The following NALCN variants were observed in gnomAD, a reference collection of about 807,000 sequenced individuals.
The protein encoded by NALCN is sodium leak channel NALCN.
Under a neutral mutation model 225.3 loss-of-function variants are expected in NALCN, and 111 were observed. That is an observed-to-expected ratio of 0.49 (90% CI 0.42 to 0.58). NALCN has a LOEUF of 0.58. Ranked by LOEUF, NALCN falls within the 20% of genes least tolerant of loss-of-function variation. NALCN has a pLI of 0.00. For synonymous variants in NALCN, 764 were observed against 769.0 expected, an observed-to-expected ratio of 0.99 and a Z score of 0.11; for missense variants, 1,378 against 2,202.4, an observed-to-expected ratio of 0.63 and a Z score of 7.49.
chr13:101,394,552 T>G (rs1467894468), intron 3 of NALCN, among the ~76,000 whole-genome samples: 1 of 152,322 alleles, frequency 6.6e-6, no homozygotes, highest in Non-Finnish European at 1.5e-5. Context: ...ATGTAAAGAT[T>G]AGTGCTATGG....
At chr13:101,286,861 T>C (rs1184494880) in intron 9 of NALCN, among the ~76,000 whole-genome samples, 3 of 112,282 alleles carry the variant, frequency 2.7e-5, no homozygotes, top group African/African-American at 6.0e-5. Context: ...ATTCCAGGTA[T>C]TATACACACA....
chr13:101,114,451 C>G (rs1281633116), intron 18 of NALCN, among the ~76,000 whole-genome samples: 2 of 151,842 alleles, frequency 1.3e-5, no homozygotes, highest in Admixed American at 6.6e-5. Flanking sequence ...CTCTCTCTCT[C>G]TCGCTGACTT....
chr13:101,069,529 T>TGGCTGCTGAAGGTTGGGGTGGC (rs2032690630), intron 37 of NALCN, among the ~76,000 whole-genome samples: 1 of 152,190 alleles, frequency 6.6e-6, no homozygotes, highest in Non-Finnish European at 1.5e-5. Context: ...AGCAGGGTGG[T>TGGCTGCTGAAGGTTGGGGTGGC]GGCTGCTGAA....
intron 13 of NALCN, among the ~76,000 whole-genome samples, chr13:101,210,261 C>T (rs1274950171): frequency 6.6e-6 from 1 of 152,112 alleles, no homozygotes; most frequent in Non-Finnish European, 1.5e-5. Context: ...TCCCATCATG[C>T]TTCCTGGAAA....
At chr13:101,412,457 C>T (rs371258082) in intron 1 of NALCN, among the ~76,000 whole-genome samples, 3 of 152,164 alleles carry the variant, frequency 2.0e-5, no homozygotes, top group African/African-American at 7.2e-5. Flanking sequence ...GGAGGCCTAC[C>T]CCTGCCCCCA....
chr13:101,349,880 T>C (rs1267095586), intron 6 of NALCN, among the ~76,000 whole-genome samples: 1 of 152,136 alleles, frequency 6.6e-6, no homozygotes, highest in Non-Finnish European at 1.5e-5. Flanking sequence ...CTTATTCAAT[T>C]TGAAATCCTA....
intron 7 of NALCN, among the ~76,000 whole-genome samples, chr13:101,322,273 T>A (rs960526969): frequency 6.6e-6 from 1 of 152,210 alleles, no homozygotes; most frequent in Non-Finnish European, 1.5e-5. Flanking sequence ...TGCACAAATA[T>A]ATATGACACA....
rs781040583 is a variant in NALCN, at chr13:101,083,195, T to G, written c.3587A>C (p.Asn1196Thr). ...ATACATTTTAGCTCTAAAACCATCA[T>G]TATCTAGAAAAGAAAGGTTTGGGCA... ...QPLHLPPRPD[N>T]DGFRAKMYDI... is the part of the protein sequence containing the mutation. The change falls in exon 32 of 44, where the codon AAT becomes ACT. Residue 1196 changes from asparagine (N) to threonine (T), a missense_variant. Physicochemically the swap from Asn to Thr is moderately conservative, Grantham distance 65. This residue lies in a region of NALCN where 98 missense variants were observed against 156.6 expected (regional missense o/e 0.63). Coordinates refer to ENST00000251127, the MANE Select transcript of NALCN (RefSeq NM_052867.4). 8 of 1,613,470 alleles carry G rather than the reference T, an allele frequency of 5.0e-6. No homozygotes were observed. The Admixed American group carries it at 8.3e-5, about 17-fold the overall frequency.
At chr13:101,317,968 G>A (rs1248592295) in intron 7 of NALCN, among the ~76,000 whole-genome samples, 1 of 152,100 alleles carries the variant, frequency 6.6e-6, no homozygotes, top group Non-Finnish European at 1.5e-5. Context: ...AGAGGAGGGA[G>A]ATCCTTTCTT....
intron 6 of NALCN, among the ~76,000 whole-genome samples, chr13:101,359,875 A>C (rs2046177801): frequency 6.6e-6 from 1 of 152,190 alleles, no homozygotes; most frequent in Non-Finnish European, 1.5e-5. Flanking sequence ...TCTTCTGAAA[A>C]AATAATCTAC....
chr13:101,139,730 C>G (rs1353339932), intron 17 of NALCN, among the ~76,000 whole-genome samples: 1 of 152,038 alleles, frequency 6.6e-6, no homozygotes, highest in Non-Finnish European at 1.5e-5. Flanking sequence ...ATAAGGGGAA[C>G]TAATGGTGGT....
Position 101,373,175 on chromosome 13 carries a change from A to T in NALCN, c.644+3525T>A, listed in dbSNP as rs530987015. 4.8e-4 allele frequency: 109 copies of T among 225,940 alleles called. 2 individuals are homozygous for T. Among genetic ancestry groups the T allele is most frequent in the South Asian group, 4.8e-3 (100 of 20,962 alleles). 14.0% of individuals were successfully genotyped at this position (225,940 alleles called of 1,614,324 possible). On this transcript the variant is annotated intron_variant, in intron 6 of 43. Transcript: ENST00000251127. ...TAGCTCTGTAAGTTGAATACATTTAATTTGTAATGAAAAACGTTCTCACAA... is the reference window on the plus strand; with the variant it reads ...TAGCTCTGTAAGTTGAATACATTTATTTTGTAATGAAAAACGTTCTCACAA...
chr13:101,054,959 C>T lies in NALCN; in HGVS notation c.*336G>A, dbSNP rs990451320. The T allele has an allele frequency of 5.4e-5, 11 of 205,236 alleles. No homozygotes were observed. Among genetic ancestry groups the T allele is most frequent in the Admixed American group, 1.7e-4 (3 of 17,208 alleles). 12.7% of individuals were successfully genotyped at this position (205,236 alleles called of 1,614,324 possible). ...TTGGGCTTAGCACTCTTTTGCGGGG[C>T]GGTGATAATACTGCATTAGAGCACA... On this transcript the variant is annotated 3_prime_UTR_variant, in exon 44 of 44. Transcript: ENST00000251127.
At chr13:101,318,555 A>C in intron 7 of NALCN, among the ~76,000 whole-genome samples, 1 of 152,214 alleles carries the variant, frequency 6.6e-6, no homozygotes. Context: ...TGGAAGACCT[A>C]TTTGACATCA....
At chr13:101,302,517 T>G (rs1363114589) in intron 7 of NALCN, among the ~76,000 whole-genome samples, 1 of 152,076 alleles carries the variant, frequency 6.6e-6, no homozygotes, top group Non-Finnish European at 1.5e-5. Context: ...TAAATAAATG[T>G]GAGATAAGAA....
At chr13:101,415,349 G>C (rs1214483134) in intron 1 of NALCN, among the ~76,000 whole-genome samples, 3 of 152,040 alleles carry the variant, frequency 2.0e-5, no homozygotes, top group South Asian at 2.1e-4. Flanking sequence ...AGGGCAGTCG[G>C]GCCTAGCTGA....
At position 101,324,570 on chromosome 13, in the gene NALCN, GCT is replaced by G. The variant is rs369738231; in HGVS notation, c.799+20694_799+20695del. 1.8e-4 allele frequency among the ~76,000 whole-genome samples: 27 copies of G among 152,140 alleles called. No individual in the cohort carries two copies. The East Asian group carries it at 3.9e-3, about 22-fold the overall frequency. Reference sequence around the variant, plus strand: ...TGAATGGGAGTTCACTCATGATTTGGCTCTCTGTCTGTTATTGGTGTATAGGA... The same window carrying G: ...TGAATGGGAGTTCACTCATGATTTGGCTCTGTCTGTTATTGGTGTATAGGA... On this transcript the variant is annotated intron_variant, in intron 7 of 43. Transcript: ENST00000251127.
intron 22 of NALCN, among the ~76,000 whole-genome samples, chr13:101,106,340 G>C (rs1343159983): frequency 1.3e-5 from 2 of 152,082 alleles, no homozygotes; most frequent in Non-Finnish European, 2.9e-5. Flanking sequence ...TTTGTGGAGG[G>C]GGAACAATTC....
At chr13:101,118,699 C>T (rs1486683433) in intron 18 of NALCN, among the ~76,000 whole-genome samples, 1 of 152,158 alleles carries the variant, frequency 6.6e-6, no homozygotes, top group Non-Finnish European at 1.5e-5. Context: ...TTATGACATT[C>T]ATTCTCATAC....
Sources: gnomAD v4.1 joint callset for allele counts (sites outside exome capture counted in the v4.1 genomes callset) on GRCh38, gnomAD v4.1.1 for gene constraint, gnomAD v4.1.1 regional missense constraint, MANE v1.5 for transcripts, NCBI Gene and HGNC (gene_info 2026-07-23, HGNC 2026-07-21) for gene names.